SMARCC1: variants seen among roughly 807,000 people sequenced by gnomAD.
SMARCC1 encodes SWI/SNF complex subunit SMARCC1.
SMARCC1 carries 43 observed loss-of-function variants against 147.4 expected under a neutral mutation model. The observed-to-expected ratio is 0.29, with a 90% CI of 0.23 to 0.38. The LOEUF is 0.38. Among genes scored for constraint, SMARCC1 ranks in the 10% least tolerant of loss-of-function variants. The pLI, the probability that SMARCC1 is intolerant of heterozygous loss-of-function variation, is 1.00. For missense variants in SMARCC1, 1,119 were observed against 1,381.1 expected, an observed-to-expected ratio of 0.81 and a Z score of 3.01; for synonymous variants, 495 against 484.4, an observed-to-expected ratio of 1.02 and a Z score of -0.29.
intron 18 of SMARCC1, among the ~76,000 whole-genome samples, chr3:47,671,173 CAAAAAAAAAAA>C (rs775759680): frequency 1.4e-4 from 4 of 29,240 alleles, no homozygotes; most frequent in South Asian, 5.7e-3. Flanking sequence ...GAGACTATCT[CAAAAAAAAAAA>C]AAAAAAAAAA....
chr3:47,702,170 T>C (rs2033926128), intron 10 of SMARCC1, among the ~76,000 whole-genome samples: 1 of 149,600 alleles, frequency 6.7e-6, no homozygotes, highest in South Asian at 2.1e-4. Flanking sequence ...TCCACTGCTC[T>C]TGCACCAAAA....
At chr3:47,775,487 A>C in intron 1 of SMARCC1, among the ~76,000 whole-genome samples, 1 of 145,728 alleles carries the variant, frequency 6.9e-6, no homozygotes. Flanking sequence ...ACGGTATTCA[A>C]GGGCCAGGCG....
Position 47,588,195 on chromosome 3 carries a change from C to A in SMARCC1, c.*14G>T. The A allele has an allele frequency of 1.2e-6, 2 of 1,604,998 alleles. No homozygotes were observed. The highest frequency in any genetic ancestry group is 2.2e-5 in the South Asian group (2 of 90,852). Reference sequence around the variant, plus strand: ...TCATGGTGGTGGGCGTGGAGGTTCCCTGCATCTTCCAGGCTAAGGAGCAGC... The same window carrying A: ...TCATGGTGGTGGGCGTGGAGGTTCCATGCATCTTCCAGGCTAAGGAGCAGC... On this transcript the variant is annotated 3_prime_UTR_variant, in exon 28 of 28. Coordinates refer to ENST00000254480, the MANE Select transcript of SMARCC1 (RefSeq NM_003074.4).
intron 11 of SMARCC1, 106 bp downstream of exon 11, chr3:47,701,172 C>A: frequency 2.3e-6 from 2 of 870,024 alleles, no homozygotes; most frequent in South Asian, 1.8e-5. Flanking sequence ...TCTATTCATA[C>A]TTGAAAGTCG....
intron 2 of SMARCC1, among the ~76,000 whole-genome samples, chr3:47,768,182 A>C (rs2034863715): frequency 6.6e-6 from 1 of 152,146 alleles, no homozygotes; most frequent in Non-Finnish European, 1.5e-5. Flanking sequence ...AACTTTTTAA[A>C]GTATGTGATT....
At chr3:47,659,476 GC>G (rs1337419306) in intron 21 of SMARCC1, among the ~76,000 whole-genome samples, 1 of 151,764 alleles carries the variant, frequency 6.6e-6, no homozygotes, top group Non-Finnish European at 1.5e-5. Flanking sequence ...ATTTACAAAG[GC>G]CATGTCGGAT....
At chr3:47,631,162 AGAG>A (rs1219649932) in intron 24 of SMARCC1, among the ~76,000 whole-genome samples, 9 of 152,238 alleles carry the variant, frequency 5.9e-5, no homozygotes, top group African/African-American at 1.9e-4. Context: ...AGAAGGAGAG[AGAG>A]AAGGAAAAGA....
At chr3:47,634,585 A>G (rs1198870610) in intron 24 of SMARCC1, among the ~76,000 whole-genome samples, 1 of 152,250 alleles carries the variant, frequency 6.6e-6, no homozygotes, top group Non-Finnish European at 1.5e-5. Flanking sequence ...AAAGATTTTT[A>G]AAAACTTACA....
intron 25 of SMARCC1, among the ~76,000 whole-genome samples, chr3:47,621,462 A>C (rs1264948781): frequency 6.6e-6 from 1 of 152,210 alleles, no homozygotes; most frequent in East Asian, 1.9e-4. Context: ...ATACTATGAA[A>C]TACTACACAG....
At chr3:47,660,791 T>TGGAATTAGATAGTGGTGATAGACACA (rs2033335238) in intron 21 of SMARCC1, among the ~76,000 whole-genome samples, 1 of 152,178 alleles carries the variant, frequency 6.6e-6, no homozygotes, top group Admixed American at 6.5e-5. Context: ...GAAAATGTTC[T>TGGAATTAGATAGTGGTGATAGACACA]GGAATTAGAT....
At chr3:47,664,723 G>T (rs2033400298) in intron 19 of SMARCC1, among the ~76,000 whole-genome samples, 1 of 152,152 alleles carries the variant, frequency 6.6e-6, no homozygotes, top group South Asian at 2.1e-4. Flanking sequence ...CCCCCTTGAG[G>T]ACACTGGCAA....
At chr3:47,773,608 G>T (rs1253642174) in intron 1 of SMARCC1, among the ~76,000 whole-genome samples, 1 of 151,932 alleles carries the variant, frequency 6.6e-6, no homozygotes, top group Admixed American at 6.6e-5. Context: ...ATATCACTTT[G>T]AGTAGCCAAT....
intron 7 of SMARCC1, among the ~76,000 whole-genome samples, chr3:47,718,225 A>G (rs1385758812): frequency 6.6e-6 from 1 of 151,040 alleles, no homozygotes. Flanking sequence ...TGGGTGGATC[A>G]CCTGAGGTCA....
chr3:47,654,969 T>C (rs1377296646), intron 21 of SMARCC1, among the ~76,000 whole-genome samples: 1 of 152,204 alleles, frequency 6.6e-6, no homozygotes, highest in Non-Finnish European at 1.5e-5. Flanking sequence ...GCAGCAGGGA[T>C]AAGAGGCTTC....
chr3:47,613,201 C>A (rs189503221), intron 25 of SMARCC1, among the ~76,000 whole-genome samples: 40 of 152,096 alleles, frequency 2.6e-4, no homozygotes, highest in Admixed American at 9.2e-4. Context: ...TTTTGATGTT[C>A]AGTTACATAA....
chr3:47,778,633 CA>C (rs1281966548), intron 1 of SMARCC1, among the ~76,000 whole-genome samples: 1 of 151,574 alleles, frequency 6.6e-6, no homozygotes, highest in Non-Finnish European at 1.5e-5. Context: ...ATCTTTTGAT[CA>C]AAAAAAGTCT....
intron 2 of SMARCC1, among the ~76,000 whole-genome samples, chr3:47,768,072 T>G (rs1048891307): frequency 6.6e-6 from 1 of 152,026 alleles, no homozygotes; most frequent in Admixed American, 6.6e-5. Flanking sequence ...ACTCCTGGGC[T>G]CAAGAGTTTT....
At chr3:47,611,319 T>A (rs1198432947) in intron 25 of SMARCC1, among the ~76,000 whole-genome samples, 1 of 152,208 alleles carries the variant, frequency 6.6e-6, no homozygotes, top group African/African-American at 2.4e-5. Context: ...ATACAGCAGT[T>A]AGAAGCCACA....
At chr3:47,701,241 A>C (rs2106787312) in intron 11 of SMARCC1, 37 bp downstream of exon 11, 1 of 1,592,192 alleles carries the variant, frequency 6.3e-7, no homozygotes, top group East Asian at 2.2e-5. Flanking sequence ...AGAATGACTA[A>C]ATTAAATCTA....
Sources: allele counts gnomAD v4.1 joint callset (sites outside exome capture counted in the v4.1 genomes callset), GRCh38; gene constraint gnomAD v4.1.1; transcripts MANE v1.5; gene names NCBI Gene and HGNC (gene_info 2026-07-23, HGNC 2026-07-21).